The following ZNF550 variants were observed in gnomAD, a reference collection of about 807,000 sequenced individuals.
ZNF550 encodes zinc finger protein 550.
A neutral mutation model predicts 40.2 loss-of-function variants in ZNF550; 42 were observed. The ratio of observed to expected loss-of-function variants is 1.05; its 90% CI spans 0.82 to 1.35. ZNF550 has a LOEUF of 1.35. Ranked by LOEUF, ZNF550 falls within the 40% of genes most tolerant of loss-of-function variation. The pLI is 0.00. For synonymous variants in ZNF550, 223 were observed against 198.6 expected, an observed-to-expected ratio of 1.12 and a Z score of -1.03; for missense variants, 549 against 525.2, an observed-to-expected ratio of 1.05 and a Z score of -0.44.
chr19:57,548,014 AAGG>A, intron 3 of ZNF550, 21 bp from the exon 4 acceptor site: 1 of 1,595,764 alleles, frequency 6.3e-7, no homozygotes, highest in East Asian at 2.2e-5. Flanking sequence ...TCAACAAACA[AAGG>A]AGGGGTCTTT....
intron 1 of ZNF550, among the ~76,000 whole-genome samples, chr19:57,558,452 C>G (rs1001898905): frequency 2.0e-5 from 3 of 152,140 alleles, no homozygotes; most frequent in African/African-American, 7.2e-5. Flanking sequence ...GAGGCCTATT[C>G]AATCATCAAC....
intron 1 of ZNF550, chr19:57,556,749 T>C (rs2090125167): frequency 1.5e-5 from 3 of 194,392 alleles, no homozygotes; most frequent in South Asian, 8.6e-5. Flanking sequence ...ACTGTGTCTA[T>C]GTAGAAAAAG....
chr19:57,547,767 A>T, exon 4 of ZNF550: 2 of 1,613,678 alleles, frequency 1.2e-6, no homozygotes, highest in South Asian at 2.2e-5. Context: ...CCAAACCTTC[A>T]CCTTCAAGGC....
chr19:57,556,006 A>G (rs1173940987), intron 2 of ZNF550: 3 of 504,318 alleles, frequency 5.9e-6, no homozygotes, highest in South Asian at 2.0e-5. Context: ...TTCTTATGCA[A>G]TCTTGATTAA....
At chr19:57,542,681 A>C (rs983656968) in exon 5 of ZNF550, 2 of 152,230 alleles carry the variant, frequency 1.3e-5, no homozygotes, top group African/African-American at 2.4e-5. Context: ...AAGAAAAAAA[A>C]CCAAAACAAC....
intron 4 of ZNF550, among the ~76,000 whole-genome samples, chr19:57,546,108 G>C (rs779620346): frequency 2.0e-5 from 3 of 152,024 alleles, no homozygotes; most frequent in South Asian, 2.1e-4. Flanking sequence ...GTGGCCATCT[G>C]TACATGGGTT....
intron 3 of ZNF550, among the ~76,000 whole-genome samples, chr19:57,549,712 G>C (rs1258067629): frequency 2.6e-5 from 4 of 152,206 alleles, no homozygotes; most frequent in African/African-American, 9.7e-5. Flanking sequence ...AGGGTGATTA[G>C]AGTTGGAGCA....
chr19:57,550,491 T>C (rs1343797375), intron 3 of ZNF550, among the ~76,000 whole-genome samples: 4 of 152,178 alleles, frequency 2.6e-5, no homozygotes, highest in African/African-American at 4.8e-5. Flanking sequence ...ACACAGCATA[T>C]AGGATAAACC....
chr19:57,547,248 T>C (rs2090022350), exon 4 of ZNF550: 1 of 1,613,846 alleles, frequency 6.2e-7, no homozygotes, highest in Admixed American at 1.7e-5. Flanking sequence ...TGATGTAATG[T>C]TGAATTAGGT....
intron 3 of ZNF550, among the ~76,000 whole-genome samples, chr19:57,549,779 C>A (rs1452964129): frequency 6.6e-6 from 1 of 152,192 alleles, no homozygotes; most frequent in Non-Finnish European, 1.5e-5. Context: ...ACAAATGGTA[C>A]AAAAGGCCTA....
At chr19:57,559,598 C>T (rs2090152243) in intron 1 of ZNF550, 58 bp downstream of exon 1, 3 of 1,420,840 alleles carry the variant, frequency 2.1e-6, no homozygotes, top group African/African-American at 2.9e-5. Context: ...TCCTTCCGCT[C>T]GTCGGGCCCG....
At chr19:57,549,982 A>G (rs2090058523) in intron 3 of ZNF550, among the ~76,000 whole-genome samples, 1 of 152,192 alleles carries the variant, frequency 6.6e-6, no homozygotes, top group Non-Finnish European at 1.5e-5. Flanking sequence ...TCAGGCTGTC[A>G]TGAGGTTAAA....
chr19:57,551,185 A>C (rs1035655484), intron 3 of ZNF550, among the ~76,000 whole-genome samples: 2 of 152,222 alleles, frequency 1.3e-5, no homozygotes, highest in African/African-American at 2.4e-5. Context: ...AGAGAAGCCA[A>C]GTATGAGACC....
chr19:57,544,181 A>T, intron 4 of ZNF550: 1 of 985,448 alleles, frequency 1.0e-6, no homozygotes, highest in Non-Finnish European at 1.2e-6. Context: ...TCTAAGTATG[A>T]CCACAACAGT....
chr19:57,545,277 A>ATGTT (rs1448974050), intron 4 of ZNF550, among the ~76,000 whole-genome samples: 2 of 152,136 alleles, frequency 1.3e-5, no homozygotes, highest in African/African-American at 4.8e-5. Context: ...CTTCACGCAA[A>ATGTT]TGTTTATAAG....
At chr19:57,546,039 AAATC>A (rs72064184) in intron 4 of ZNF550, among the ~76,000 whole-genome samples, 6,196 of 152,222 alleles carry the variant, frequency 0.041, 186 homozygotes, top group Non-Finnish European at 0.06. Flanking sequence ...TTATTAATAA[AAATC>A]AAAGCCTTAA....
At chr19:57,546,385 C>CA in intron 4 of ZNF550, 1 of 666,682 alleles carries the variant, frequency 1.5e-6, no homozygotes, top group Non-Finnish European at 1.9e-6. Context: ...CTTTACCTCT[C>CA]AAACATTCCC....
intron 2 of ZNF550, 28 bp downstream of exon 2, chr19:57,556,203 T>C: frequency 6.2e-7 from 1 of 1,613,612 alleles, no homozygotes; most frequent in Non-Finnish European, 8.5e-7. Context: ...GTTAGGGTCC[T>C]CCTCAGGGAT....
intron 2 of ZNF550, 50 bp downstream of exon 2, chr19:57,556,181 C>T: frequency 1.2e-6 from 2 of 1,612,752 alleles, no homozygotes; most frequent in Non-Finnish European, 1.7e-6. Flanking sequence ...TTTTGCCTGG[C>T]CAAGAATCAG....
Sources: gnomAD v4.1 joint callset for allele counts (sites outside exome capture counted in the v4.1 genomes callset) on GRCh38, gnomAD v4.1.1 for gene constraint, MANE v1.5 for transcripts, NCBI Gene and HGNC (gene_info 2026-07-23, HGNC 2026-07-21) for gene names.